Variants in FKBP15 observed in about 807,000 individuals in gnomAD.
The protein encoded by FKBP15 is FK506-binding protein 15.
In FKBP15, 106 loss-of-function variants were observed where a neutral mutation model predicts 158.1. The ratio of observed to expected loss-of-function variants is 0.67; its 90% confidence interval spans 0.57 to 0.79. The LOEUF is 0.79. FKBP15 is among the 30% of genes least tolerant of loss of function. The pLI is 0.00. For missense variants in FKBP15, 1,287 were observed against 1,479.1 expected, an observed-to-expected ratio of 0.87 and a Z score of 2.13; for synonymous variants, 547 against 548.6, an observed-to-expected ratio of 1.00 and a Z score of 0.04.
At chr9:113,196,880 CAA>C in intron 9 of FKBP15, 50 bp downstream of exon 9, 1 of 1,572,998 alleles carries the variant, frequency 6.4e-7, no homozygotes, top group Non-Finnish European at 8.7e-7. Flanking sequence ...GTGTAACTAG[CAA>C]AGAGACAGGC....
intron 6 of FKBP15, 52 bp downstream of exon 6, chr9:113,202,479 G>A: frequency 5.3e-6 from 7 of 1,326,388 alleles, no homozygotes; most frequent in Non-Finnish European, 7.4e-6. Context: ...AAAATTAAGG[G>A]AAATCCAAAC....
intron 2 of FKBP15, among the ~76,000 whole-genome samples, chr9:113,208,991 A>T: frequency 7.1e-6 from 1 of 140,348 alleles, no homozygotes; most frequent in South Asian, 2.3e-4. Flanking sequence ...TGGGTGACAG[A>T]GCGAGACTCC....
intron 12 of FKBP15, among the ~76,000 whole-genome samples, chr9:113,189,141 G>T (rs1212162955): frequency 2.0e-5 from 3 of 152,186 alleles, no homozygotes; most frequent in Non-Finnish European, 1.5e-5. Context: ...ACTGTAATCT[G>T]CTATGCTATA....
Position 113,161,133 on chromosome 9 carries a change from C to T in FKBP15, c.*4945G>A. Reference sequence around the variant, plus strand: ...TCCTACTTTGCTGAGATAACTATTACTCTTGTGCTATTTATCTTTCCTTCC... The same window carrying T: ...TCCTACTTTGCTGAGATAACTATTATTCTTGTGCTATTTATCTTTCCTTCC... On this transcript the variant is annotated 3_prime_UTR_variant, in exon 28 of 28. Coordinates refer to ENST00000238256, the MANE Select transcript of FKBP15 (RefSeq NM_015258.2). 2 of 192,204 alleles carry T rather than the reference C, an allele frequency of 1.0e-5. No individual in the cohort carries two copies. Among genetic ancestry groups the T allele is most frequent in the Non-Finnish European group, 2.1e-5 (2 of 95,732 alleles). 11.9% of individuals were successfully genotyped at this position (192,204 alleles called of 1,614,324 possible). A position where few individuals can be genotyped will look rare whatever the true frequency, so the allele number is the denominator to read the frequency against.
intron 23 of FKBP15, among the ~76,000 whole-genome samples, chr9:113,172,889 T>C (rs947369402): frequency 2.0e-5 from 3 of 152,122 alleles, no homozygotes; most frequent in African/African-American, 4.8e-5. Context: ...CCATCTCTCT[T>C]TTTCAGGCCT....
chr9:113,186,362 G>T lies in FKBP15; in HGVS notation c.1385C>A (p.Pro462His), dbSNP rs1830486586. ...AGCGTAGGCTTGCATACCTGCATAG[G>T]GCTGAGAAACTGACGAGTTACCACT... ...AVSGNAQSFQ[P>H]YAGMQAYAYP... is the part of the protein sequence containing the mutation. The change falls in exon 15 of 28, where the codon CCC becomes CAC. Residue 462 changes from proline to histidine, a missense_variant and splice_region_variant. By Grantham distance (77) the Pro-to-His change is moderately conservative. Coordinates refer to ENST00000238256, the MANE Select transcript of FKBP15 (RefSeq NM_015258.2). The T allele has an allele frequency of 6.4e-7, 1 of 1,553,502 alleles. No individual in the cohort carries two copies. The highest frequency in any genetic ancestry group is 2.4e-5 in the East Asian group (1 of 41,548).
Position 113,176,672 on chromosome 9 carries a change from C to T in FKBP15, c.2088G>A (p.Glu696=). Residue 696 remains glutamate (E), a splice_region_variant and synonymous_variant, in exon 21 of 28, where the codon GAG becomes GAA. Transcript: ENST00000238256. ...QLTKVQAKLS[E]LQETSEQAQS... ...GTGCTTGCTCAGAGGTTTCTTGGAG[C>T]TCTGGGATACAGGAGCAGAGAGACT... 2 of 1,609,166 alleles carry T rather than the reference C, an allele frequency of 1.2e-6. No individual in the cohort carries two copies. The highest frequency in any genetic ancestry group is 2.2e-5 in the East Asian group (1 of 44,840).
In FKBP15 at chr9:113,161,127, C is replaced by T. The variant is rs779917165; in HGVS notation, c.*4951G>A. 2 of 182,920 alleles carry T rather than the reference C, an allele frequency of 1.1e-5. No individual in the cohort carries two copies. The highest frequency in any genetic ancestry group is 4.8e-5 in the African/African-American group (2 of 41,916). The allele number at this position is 182,920 out of a possible 1,614,324, so 11.3% of individuals were successfully genotyped here. Reference sequence around the variant, plus strand: ...CCTGTATCCTACTTTGCTGAGATAACTATTACTCTTGTGCTATTTATCTTT... The same window carrying T: ...CCTGTATCCTACTTTGCTGAGATAATTATTACTCTTGTGCTATTTATCTTT... On this transcript the variant is annotated 3_prime_UTR_variant, in exon 28 of 28. Transcript: ENST00000238256.
intron 4 of FKBP15, among the ~76,000 whole-genome samples, chr9:113,205,698 C>G (rs1057124178): frequency 6.6e-6 from 1 of 152,134 alleles, no homozygotes; most frequent in Admixed American, 6.6e-5. Context: ...TGACCATATA[C>G]TTTTATGTCA....
chr9:113,173,701 T>C, intron 22 of FKBP15, 96 bp from the exon 23 acceptor site: 1 of 1,290,586 alleles, frequency 7.7e-7, no homozygotes, highest in Non-Finnish European at 1.1e-6. Context: ...AGCAAAAGAA[T>C]AAGCTAACAG....
chr9:113,190,653 T>G, intron 11 of FKBP15, 75 bp from the exon 12 acceptor site: 1 of 1,100,198 alleles, frequency 9.1e-7, no homozygotes, highest in East Asian at 2.6e-5. Context: ...TCCCTTTGGC[T>G]CTTGTATCAA....
chr9:113,176,431 A>G, intron 21 of FKBP15, 106 bp downstream of exon 21: 2 of 1,284,850 alleles, frequency 1.6e-6, no homozygotes, highest in South Asian at 3.3e-5. Flanking sequence ...ACTTTTCTAT[A>G]TTATTTGTAT....
intron 1 of FKBP15, among the ~76,000 whole-genome samples, chr9:113,218,698 C>CA (rs1476799840): frequency 6.6e-6 from 1 of 152,032 alleles, no homozygotes; most frequent in African/African-American, 2.4e-5. Context: ...GCAAAGGTCT[C>CA]AAAGTTTATC....
At position 113,198,716 on chromosome 9, in the gene FKBP15, C is replaced by T. The variant is rs969854860; in HGVS notation, c.717+139G>A. The T allele has an allele frequency of 1.5e-5, 9 of 615,026 alleles. No individual in the cohort carries two copies. The South Asian group carries it at 1.6e-4, about 11-fold the overall frequency. The allele number at this position is 615,026 out of a possible 1,614,324, so 38.1% of individuals were successfully genotyped here. ...GCAATGAGCCAAGATCGTGCCATTG[C>T]ACTCCAGCTTGAACAACAAGAGCGA... On this transcript the variant is annotated intron_variant, in intron 8 of 27. Transcript: ENST00000238256. This position sits in a 1 kb window ranked among gnomAD's most constrained non-coding sequence, Gnocchi z 5.2.
intron 27 of FKBP15, 133 bp from the exon 28 acceptor site, chr9:113,166,288 T>C: frequency 1.4e-6 from 1 of 694,104 alleles, no homozygotes; most frequent in Non-Finnish European, 2.4e-6. Flanking sequence ...CAGGGCCAAC[T>C]CTGAGGCCAG....
intron 6 of FKBP15, among the ~76,000 whole-genome samples, chr9:113,200,449 G>A (rs549509518): frequency 3.3e-4 from 51 of 152,290 alleles, no homozygotes; most frequent in African/African-American, 1.2e-3. Flanking sequence ...GACTGCAGTA[G>A]AAAGAAGGGC....
At position 113,161,844 on chromosome 9, in the gene FKBP15, C is replaced by A; in HGVS notation, c.*4234G>T. ...GACTTGCCAAAGTGGCTACACATAGCCAAGTGAACTAGAGCTCATGTCTCC... is the reference window on the plus strand; with the variant it reads ...GACTTGCCAAAGTGGCTACACATAGACAAGTGAACTAGAGCTCATGTCTCC... On this transcript the variant is annotated 3_prime_UTR_variant, in exon 28 of 28. Transcript: ENST00000238256. 1 of 841,074 alleles carries A rather than the reference C, an allele frequency of 1.2e-6. No homozygotes were observed. Among genetic ancestry groups the A allele is most frequent in the Non-Finnish European group, 2.0e-6 (1 of 509,808 alleles). The allele number at this position is 841,074 out of a possible 1,614,324, so 52.1% of individuals were successfully genotyped here.
intron 22 of FKBP15, among the ~76,000 whole-genome samples, chr9:113,173,856 G>T (rs1460405235): frequency 1.3e-5 from 2 of 152,066 alleles, no homozygotes; most frequent in East Asian, 1.9e-4. Flanking sequence ...TGGAGGGCAG[G>T]GCCATGTGAT....
intron 2 of FKBP15, among the ~76,000 whole-genome samples, chr9:113,207,709 T>G (rs1450304938): frequency 6.6e-6 from 1 of 152,194 alleles, no homozygotes; most frequent in Non-Finnish European, 1.5e-5. Flanking sequence ...GTTGTAATGC[T>G]TTTATGATTA....
Sources: allele counts gnomAD v4.1 joint callset (sites outside exome capture counted in the v4.1 genomes callset), GRCh38; gene constraint gnomAD v4.1.1; non-coding constraint Gnocchi (gnomAD v3.1); transcripts MANE v1.5; gene names NCBI Gene and HGNC (gene_info 2026-07-23, HGNC 2026-07-21).